The following COX7A1 variants were observed in gnomAD, a reference collection of about 807,000 sequenced individuals.
COX7A1 encodes the protein cytochrome c oxidase subunit 7A1, mitochondrial.
Under a neutral mutation model 13.2 loss-of-function variants are expected in COX7A1, and 21 were observed. That is an observed-to-expected ratio of 1.59 (90% CI 1.13 to 2.29). The LOEUF (loss-of-function observed/expected upper bound fraction) is 2.29, where lower values mean the gene tolerates loss of function less well. Among genes scored for constraint, COX7A1 ranks in the 30% most tolerant of loss-of-function variants. The pLI, the probability that COX7A1 is intolerant of heterozygous loss-of-function variation, is 0.00. For missense variants in COX7A1, 107 were observed against 100.0 expected (o/e 1.07, Z -0.30); for synonymous variants, 41 against 41.9 (o/e 0.98, Z 0.08).
At chr19:36,151,193 C>G (rs901247921) in intron 3 of COX7A1, among the ~76,000 whole-genome samples, 159 bp from the exon 4 acceptor site, 4 of 152,156 alleles carry the variant, frequency 2.6e-5, no homozygotes, top group Non-Finnish European at 5.9e-5. Flanking sequence ...GTAAAGCCCC[C>G]TGGCTTTGAT....
At chr19:36,152,360 G>C in intron 1 of COX7A1, 33 bp downstream of exon 1, 1 of 1,325,112 alleles carries the variant, frequency 7.5e-7, no homozygotes. Context: ...TTTTCTGGGT[G>C]GGGGGCTCCG....
chr19:36,151,665 C>CA lies in COX7A1; in HGVS notation c.102+3_102+4insT, dbSNP rs753185829. 2 of 1,583,868 alleles carry CA rather than the reference C, an allele frequency of 1.3e-6. No homozygotes were observed. Among genetic ancestry groups the CA allele is most frequent in the Middle Eastern group, 1.7e-4 (1 of 5,952 alleles). Reference sequence around the variant, plus strand: ...TCGGATCCCCACCCCCCCCGACCCCCCACCTGGAAGAGCTTCTGTTTCTCG... The same window carrying CA: ...TCGGATCCCCACCCCCCCCGACCCCCACACCTGGAAGAGCTTCTGTTTCTCG... On this transcript the variant is annotated splice_donor_region_variant and intron_variant, in intron 2 of 3. Transcript: ENST00000292907.
Position 36,151,033 on chromosome 19 carries a change from G to C in COX7A1, c.189C>G (p.Gly63=), listed in dbSNP as rs141228242. ...CAAGGGAGTACAAGCTGTAGACAGT[G>C]CCTAGAAAGGGGAAGCGTTGGAGAC... ...YRVTMTLCLG[G]TVYSLYSLGW... The change falls in exon 4 of 4, where the codon GGC becomes GGG. Residue 63 remains glycine, a splice_region_variant and synonymous_variant. Coordinates refer to ENST00000292907, the MANE Select transcript of COX7A1 (RefSeq NM_001864.4). The C allele has an allele frequency of 2.2e-5, 36 of 1,613,530 alleles. No individual in the cohort carries two copies. Among genetic ancestry groups the C allele is most frequent in the Non-Finnish European group, 1.7e-6 (2 of 1,179,770 alleles).
At chr19:36,151,310 C>T in intron 3 of COX7A1, 152 bp downstream of exon 3, 1 of 812,660 alleles carries the variant, frequency 1.2e-6, no homozygotes, top group Non-Finnish European at 1.9e-6. Context: ...TTACTCCCCT[C>T]CCTGCAGGCC....
rs557992806 is a variant in COX7A1, at chr19:36,151,538, A to G, written c.111T>C (p.Asn37=). The change falls in exon 3 of 4, where the codon AAT becomes AAC. Residue 37 remains asparagine, a synonymous_variant. Coordinates refer to ENST00000292907, the MANE Select transcript of COX7A1 (RefSeq NM_001864.4). ...CGCCCTTCAGGTACAACGGGATGTCATTGTCCTCCTGGATGTGGGGGTGTC... is the reference window on the plus strand; with the variant it reads ...CGCCCTTCAGGTACAACGGGATGTCGTTGTCCTCCTGGATGTGGGGGTGTC... ...REKQKLFQED[N]DIPLYLKGGI... The G allele has an allele frequency of 1.2e-5, 19 of 1,614,010 alleles. No homozygotes were observed. In the South Asian group the frequency reaches 1.6e-4, roughly 14 times the overall value.
rs371700119 is a variant in COX7A1 at position 36,151,656 on chromosome 19, C to T, written c.102+13G>A. The T allele has an allele frequency of 3.6e-5, 52 of 1,451,552 alleles. No individual in the cohort carries two copies. In the African/African-American group the frequency reaches 8.6e-4, roughly 24 times the overall value. The allele number at this position is 1,451,552 out of a possible 1,614,324, so 89.9% of individuals were successfully genotyped here. On this transcript the variant is annotated intron_variant, in intron 2 of 3. Transcript: ENST00000292907. ...GCTGGCGCGTCGGATCCCCACCCCC[C>T]CCGACCCCCCACCTGGAAGAGCTTC...
intron 1 of COX7A1, 149 bp downstream of exon 1, chr19:36,152,244 G>A (rs1442309299): frequency 1.7e-6 from 1 of 575,420 alleles, no homozygotes; most frequent in Non-Finnish European, 2.9e-6. Context: ...GGATTGTGGG[G>A]GAAGGGACCC....
intron 1 of COX7A1, 75 bp from the exon 2 acceptor site, chr19:36,151,830 C>A: frequency 7.7e-7 from 1 of 1,298,620 alleles, no homozygotes; most frequent in South Asian, 1.3e-5. Context: ...CTCTCTGAGG[C>A]CTGGACGTGG....
Position 36,151,650 on chromosome 19 carries a change from A to ACGC in COX7A1, c.102+18_102+19insGCG. On this transcript the variant is annotated intron_variant, in intron 2 of 3. Coordinates refer to ENST00000292907, the MANE Select transcript of COX7A1 (RefSeq NM_001864.4). ...CTCCCGGCTGGCGCGTCGGATCCCC[A>ACGC]CCCCCCCCGACCCCCCACCTGGAAG... 30 of 1,078,234 alleles carry ACGC rather than the reference A, an allele frequency of 2.8e-5. No homozygotes were observed. The highest frequency in any genetic ancestry group is 9.7e-5 in the East Asian group (3 of 30,982). 66.8% of individuals were successfully genotyped at this position (1,078,234 alleles called of 1,614,324 possible).
chr19:36,150,967 C>G lies in COX7A1; in HGVS notation c.*15G>C. The stretch of plus-strand genomic sequence containing the variant: ...CACTTGTTCAAGTCTCTCAGGCCCC[C>G]CAGGCTTCTTGGTCTTAATTCCTGG... On this transcript the variant is annotated 3_prime_UTR_variant, in exon 4 of 4. Transcript: ENST00000292907. 6.2e-7 allele frequency: 1 copy of G among 1,613,636 alleles called. No homozygotes were observed.
At position 36,151,677 on chromosome 19, in the gene COX7A1, GCTT is replaced by G. The variant is rs530285319; in HGVS notation, c.91_93del (p.Lys31del). 3,078 of 1,216,478 alleles carry G rather than the reference GCTT, an allele frequency of 2.5e-3. 27 individuals carry two copies. Among genetic ancestry groups the G allele is most frequent in the South Asian group, 0.015 (1,288 of 84,718 alleles). 75.4% of individuals were successfully genotyped at this position (1,216,478 alleles called of 1,614,324 possible). A position where few individuals can be genotyped will look rare whatever the true frequency, so the allele number is the denominator to read the frequency against. Reference sequence around the variant, plus strand: ...CCCCCCCGACCCCCCACCTGGAAGAGCTTCTGTTTCTCGCGCACTCGGTTCTGA... The same window carrying G: ...CCCCCCCGACCCCCCACCTGGAAGAGCTGTTTCTCGCGCACTCGGTTCTGA... On this transcript the variant is annotated inframe_deletion, in exon 2 of 4. Coordinates refer to ENST00000292907, the MANE Select transcript of COX7A1 (RefSeq NM_001864.4).
rs1331443332 is a variant in COX7A1 at position 36,151,728 on chromosome 19, T to C, written c.43A>G (p.Ser15Gly). ...RVSQALIRSF[S>G]STARNRFQNR... ...TGAAAGCGGTTCCGGGCGGTGGAGCTGAAGGAGCGGATCAGCGCCTGGGAC... is the reference window on the plus strand; with the variant it reads ...TGAAAGCGGTTCCGGGCGGTGGAGCCGAAGGAGCGGATCAGCGCCTGGGAC... Residue 15 changes from serine (S) to glycine (G), a missense_variant, in exon 2 of 4, where the codon AGC (serine) becomes GGC (glycine). Coordinates refer to ENST00000292907, the MANE Select transcript of COX7A1 (RefSeq NM_001864.4). 1 of 1,483,252 alleles carries C rather than the reference T, an allele frequency of 6.7e-7. No homozygotes were observed. Among genetic ancestry groups the C allele is most frequent in the Non-Finnish European group, 9.1e-7 (1 of 1,099,986 alleles). The allele number at this position is 1,483,252 out of a possible 1,614,324, so 91.9% of individuals were successfully genotyped here.
At position 36,150,930 on chromosome 19, in the gene COX7A1, A is replaced by C; in HGVS notation, c.*52T>G. 1 of 1,559,498 alleles carries C rather than the reference A, an allele frequency of 6.4e-7. No individual in the cohort carries two copies. The highest frequency in any genetic ancestry group is 8.8e-7 in the Non-Finnish European group (1 of 1,130,356). On this transcript the variant is annotated 3_prime_UTR_variant, in exon 4 of 4. Coordinates refer to ENST00000292907, the MANE Select transcript of COX7A1 (RefSeq NM_001864.4). ...ACAAACACAGACACACACAGAGGCC[A>C]GCGTTTATTGACACTTGTTCAAGTC...
chr19:36,151,824 C>CT lies in COX7A1; in HGVS notation c.16-70dup, dbSNP rs1345917027. 4 of 1,348,032 alleles carry CT rather than the reference C, an allele frequency of 3.0e-6. No individual in the cohort carries two copies. The African/African-American group carries it at 5.8e-5, about 20-fold the overall frequency. 83.5% of individuals were successfully genotyped at this position (1,348,032 alleles called of 1,614,324 possible). ...GTGTCCTGAAGTGGGACCCCGCTCT[C>CT]TGAGGCCTGGACGTGGGGACAGCCC... On this transcript the variant is annotated intron_variant, in intron 1 of 3. Coordinates refer to ENST00000292907, the MANE Select transcript of COX7A1 (RefSeq NM_001864.4).
intron 3 of COX7A1, 52 bp from the exon 4 acceptor site, chr19:36,151,086 C>T: frequency 6.3e-7 from 1 of 1,575,622 alleles, no homozygotes; most frequent in Non-Finnish European, 8.7e-7. Context: ...CCTCCCTGGA[C>T]ATCCCAGGCT....
Position 36,151,027 on chromosome 19 carries a change from G to A in COX7A1, c.195C>T (p.Val65=), listed in dbSNP as rs1133191. ...CCCAGCCAAGGGAGTACAAGCTGTAGACAGTGCCTAGAAAGGGGAAGCGTT... is the reference window on the plus strand; with the variant it reads ...CCCAGCCAAGGGAGTACAAGCTGTAAACAGTGCCTAGAAAGGGGAAGCGTT... The part of the protein sequence containing the change: ...VTMTLCLGGT[V]YSLYSLGWAS... The change falls in exon 4 of 4, where the codon GTC becomes GTT. Residue 65 remains valine (V), a synonymous_variant. Coordinates refer to ENST00000292907, the MANE Select transcript of COX7A1 (RefSeq NM_001864.4). 1.9e-6 allele frequency: 3 copies of A among 1,613,754 alleles called. No homozygotes were observed. The highest frequency in any genetic ancestry group is 2.5e-6 in the Non-Finnish European group (3 of 1,179,860).
At position 36,151,668 on chromosome 19, in the gene COX7A1, C is replaced by CCCCCCCCCG; in HGVS notation, c.102_102+1insCGGGGGGGG (p.Gln34_Glu35insArgGlyGly). On this transcript the variant is annotated inframe_insertion and splice_region_variant. Coordinates refer to ENST00000292907, the MANE Select transcript of COX7A1 (RefSeq NM_001864.4). ...GATCCCCACCCCCCCCGACCCCCCACCTGGAAGAGCTTCTGTTTCTCGCGC... is the reference window on the plus strand; with the variant it reads ...GATCCCCACCCCCCCCGACCCCCCACCCCCCCCCGCTGGAAGAGCTTCTGTTTCTCGCGC... The CCCCCCCCCG allele has an allele frequency of 6.3e-7, 1 of 1,582,648 alleles. No homozygotes were observed. The highest frequency in any genetic ancestry group is 8.6e-7 in the Non-Finnish European group (1 of 1,165,668).
chr19:36,151,654 C>A lies in COX7A1; in HGVS notation c.102+15G>T, dbSNP rs773464168. 2.4e-5 allele frequency: 34 copies of A among 1,429,036 alleles called. No homozygotes were observed. Among genetic ancestry groups the A allele is most frequent in the Middle Eastern group, 1.8e-4 (1 of 5,666 alleles). The allele number at this position is 1,429,036 out of a possible 1,614,324, so 88.5% of individuals were successfully genotyped here. ...CGGCTGGCGCGTCGGATCCCCACCC[C>A]CCCCGACCCCCCACCTGGAAGAGCT... On this transcript the variant is annotated intron_variant, in intron 2 of 3. Transcript: ENST00000292907.
chr19:36,152,002 A>G (rs1974781394), intron 1 of COX7A1: 3 of 631,040 alleles, frequency 4.8e-6, no homozygotes, highest in Non-Finnish European at 8.8e-6. Context: ...AGGACCCAGA[A>G]GGACTTTGTT....
Sources: allele counts gnomAD v4.1 joint callset (sites outside exome capture counted in the v4.1 genomes callset), GRCh38; gene constraint gnomAD v4.1.1; transcripts MANE v1.5; gene names NCBI Gene and HGNC (gene_info 2026-07-23, HGNC 2026-07-21).